Variants in SLAIN2 observed in about 807,000 individuals in gnomAD.
The protein encoded by SLAIN2 is SLAIN family member 2, also known as SLAIN motif-containing protein 2.
In SLAIN2, 31 loss-of-function variants were observed where a neutral mutation model predicts 56.6. The observed-to-expected ratio is 0.55, with a 90% CI of 0.41 to 0.74. SLAIN2 has a LOEUF of 0.74. SLAIN2 is among the 30% of genes least tolerant of loss of function. The pLI is 0.00. For missense variants in SLAIN2, 777 were observed against 754.2 expected (o/e 1.03, Z -0.35); for synonymous variants, 317 against 284.9 (o/e 1.11, Z -1.13).
At chr4:48,371,054 T>G (rs1248272787) in intron 2 of SLAIN2, among the ~76,000 whole-genome samples, 1 of 152,128 alleles carries the variant, frequency 6.6e-6, no homozygotes, top group African/African-American at 2.4e-5. Context: ...ACTAAAGTAT[T>G]ACTTTTCCTC....
chr4:48,411,002 C>A (rs762083269), intron 6 of SLAIN2, among the ~76,000 whole-genome samples: 7 of 152,132 alleles, frequency 4.6e-5, no homozygotes, highest in African/African-American at 4.8e-5. Context: ...CATTGCTGAC[C>A]CATAACCCCA....
chr4:48,347,464 G>A (rs1291189612), intron 1 of SLAIN2, among the ~76,000 whole-genome samples: 9 of 152,060 alleles, frequency 5.9e-5, no homozygotes, highest in Non-Finnish European at 1.0e-4. Flanking sequence ...GCCCAGGCTG[G>A]TCTCGAACTC....
chr4:48,413,528 A>G (rs1313237818), intron 6 of SLAIN2, among the ~76,000 whole-genome samples: 1 of 152,216 alleles, frequency 6.6e-6, no homozygotes, highest in Non-Finnish European at 1.5e-5. Flanking sequence ...ATTTTTAAAT[A>G]CTTGTGTCAG....
intron 3 of SLAIN2, among the ~76,000 whole-genome samples, chr4:48,378,342 T>G (rs74785463): frequency 0.024 from 3,677 of 152,318 alleles, 163 homozygotes; most frequent in African/African-American, 0.084. Flanking sequence ...ATTCTTTTAA[T>G]CAATAGATCC....
At position 48,377,933 on chromosome 4, in the gene SLAIN2, C is replaced by G; in HGVS notation, c.576C>G (p.Asn192Lys). The G allele has an allele frequency of 6.2e-7, 1 of 1,613,886 alleles. No homozygotes were observed. Among genetic ancestry groups the G allele is most frequent in the Non-Finnish European group, 8.5e-7 (1 of 1,179,850 alleles). ...AGAATTTATATAATAATCCTTTCAA[C>G]TCTATGAGTTACACCAGTCCTTACA... ...KRQNLYNNPF[N>K]SMSYTSPYSP... Residue 192 changes from asparagine to lysine, a missense_variant, in exon 3 of 8, where the codon AAC (asparagine) becomes AAG (lysine). By Grantham distance (94) the Asn-to-Lys change is moderately conservative (BLOSUM62 0). Transcript: ENST00000264313.
At chr4:48,394,463 C>G in intron 6 of SLAIN2, 1 of 771,240 alleles carries the variant, frequency 1.3e-6, no homozygotes, top group East Asian at 2.7e-5. Flanking sequence ...CACCTTATGG[C>G]TTCTGTTCTT....
intron 6 of SLAIN2, among the ~76,000 whole-genome samples, chr4:48,404,916 C>A (rs2109779719): frequency 6.6e-6 from 1 of 152,270 alleles, no homozygotes; most frequent in East Asian, 1.9e-4. Context: ...AGTATAACTG[C>A]AGCTTAGTAT....
intron 6 of SLAIN2, among the ~76,000 whole-genome samples, chr4:48,404,574 T>C (rs1299541979): frequency 6.6e-6 from 1 of 152,224 alleles, no homozygotes; most frequent in Non-Finnish European, 1.5e-5. Context: ...ATTTGGAGAA[T>C]GAGAGAAGAA....
At chr4:48,382,487 T>TGA (rs1715993146) in intron 4 of SLAIN2, 81 bp from the exon 5 acceptor site, 1 of 1,338,518 alleles carries the variant, frequency 7.5e-7, no homozygotes, top group South Asian at 1.9e-5. Context: ...AATTTTTCAG[T>TGA]GATAATCTTT....
In SLAIN2 at chr4:48,382,875, T is replaced by G. The variant is rs1358132182; in HGVS notation, c.1170T>G (p.Leu390=). 1 of 1,613,520 alleles carries G rather than the reference T, an allele frequency of 6.2e-7. No homozygotes were observed. Among genetic ancestry groups the G allele is most frequent in the Non-Finnish European group, 8.5e-7 (1 of 1,179,698 alleles). The change falls in exon 5 of 8, where the codon CTT becomes CTG. Residue 390 remains leucine, a synonymous_variant. Coordinates refer to ENST00000264313, the MANE Select transcript of SLAIN2 (RefSeq NM_020846.2). ...PMISRLQQPR[L]SLQGHPTDLQ... is the part of the protein sequence containing the mutation. ...TTAGCCGCTTACAGCAACCTCGCCTTTCACTTCAAGGCCATCCCACAGATT... is the reference window on the plus strand; with the variant it reads ...TTAGCCGCTTACAGCAACCTCGCCTGTCACTTCAAGGCCATCCCACAGATT...
chr4:48,386,280 A>G (rs1716098204), intron 6 of SLAIN2, among the ~76,000 whole-genome samples: 1 of 152,176 alleles, frequency 6.6e-6, no homozygotes, highest in Non-Finnish European at 1.5e-5. Flanking sequence ...AGGTACGATT[A>G]TTACCACATT....
chr4:48,364,939 T>A (rs1715470988), intron 1 of SLAIN2, among the ~76,000 whole-genome samples: 1 of 151,748 alleles, frequency 6.6e-6, no homozygotes, highest in Non-Finnish European at 1.5e-5. Flanking sequence ...TCAGTCTCTT[T>A]TATAAGTCTA....
At chr4:48,393,386 T>TGTGTGTGTGTG (rs1716283267) in intron 6 of SLAIN2, among the ~76,000 whole-genome samples, 1 of 135,348 alleles carries the variant, frequency 7.4e-6, no homozygotes, top group Non-Finnish European at 1.6e-5. Context: ...CATGTCTGGC[T>TGTGTGTGTGTG]TGTGTGTGTG....
rs1387150681 is a variant in SLAIN2 at position 48,342,772 on chromosome 4, C to G, written c.389+644C>G. Among the ~76,000 whole-genome samples, 8 of 136,008 alleles carry G rather than the reference C, an allele frequency of 5.9e-5. No individual in the cohort carries two copies. The East Asian group carries it at 1.7e-3, about 29-fold the overall frequency. The allele number at this position is 136,008 out of a possible 152,430, so 89.2% of individuals were successfully genotyped here. A position where few individuals can be genotyped will look rare whatever the true frequency, so the allele number is the denominator to read the frequency against. ...TGAAGAGTCAAGGGTGGAACGAGCC[C>G]TGGCTCTTATTTTCTAAAACAAGAA... On this transcript the variant is annotated intron_variant, in intron 1 of 7. Coordinates refer to ENST00000264313, the MANE Select transcript of SLAIN2 (RefSeq NM_020846.2).
At position 48,379,709 on chromosome 4, in the gene SLAIN2, C is replaced by T. The variant is rs1715922541; in HGVS notation, c.723C>T (p.Asp241=). 6.9e-7 allele frequency: 1 copy of T among 1,443,584 alleles called. No homozygotes were observed. The highest frequency in any genetic ancestry group is 1.8e-4 in the Middle Eastern group (1 of 5,430). 89.4% of individuals were successfully genotyped at this position (1,443,584 alleles called of 1,614,324 possible). A position where few individuals can be genotyped will look rare whatever the true frequency, so the allele number is the denominator to read the frequency against. Residue 241 remains aspartate (D), a synonymous_variant, in exon 4 of 8, where the codon GAC becomes GAT. Transcript: ENST00000264313. ...TTTAAGGTAACTTGAAAAGCTCAGA[C>T]AGAAATCCTCCACTCAGTCCTCAGT... ...PGNSGNLKSS[D]RNPPLSPQSS...
chr4:48,367,973 C>T (rs560327641), intron 1 of SLAIN2, among the ~76,000 whole-genome samples: 1 of 151,132 alleles, frequency 6.6e-6, no homozygotes, highest in African/African-American at 2.4e-5. Flanking sequence ...TTTTCTGCTC[C>T]ATATGCTTTT....
chr4:48,354,130 T>G (rs192341348), intron 1 of SLAIN2, among the ~76,000 whole-genome samples: 7 of 151,588 alleles, frequency 4.6e-5, no homozygotes, highest in African/African-American at 1.7e-4. Flanking sequence ...ACAAAAACTT[T>G]CAAATTAAAA....
At chr4:48,362,770 T>C (rs1341884794) in intron 1 of SLAIN2, among the ~76,000 whole-genome samples, 1 of 133,806 alleles carries the variant, frequency 7.5e-6, no homozygotes, top group East Asian at 2.1e-4. Flanking sequence ...TTTTTTTAAA[T>C]TTATTTTTTT....
intron 1 of SLAIN2, among the ~76,000 whole-genome samples, 153 bp downstream of exon 1, chr4:48,342,281 C>T (rs1213986271): frequency 1.3e-5 from 2 of 152,228 alleles, no homozygotes; most frequent in East Asian, 1.9e-4. Context: ...GCAGAGGGAA[C>T]GTCAGCTGGA....
Sources: allele counts gnomAD v4.1 joint callset (sites outside exome capture counted in the v4.1 genomes callset), GRCh38; gene constraint gnomAD v4.1.1; transcripts MANE v1.5; gene names NCBI Gene and HGNC (gene_info 2026-07-23, HGNC 2026-07-21).